ROBO1: variants seen among roughly 807,000 people sequenced by gnomAD.
ROBO1 encodes the protein roundabout guidance receptor 1.
A neutral mutation model predicts 195.9 loss-of-function variants in ROBO1; 149 were observed. The observed-to-expected ratio is 0.76, with a 90% CI of 0.67 to 0.87. The LOEUF (loss-of-function observed/expected upper bound fraction) is 0.87, where lower values mean the gene tolerates loss of function less well. ROBO1 is among the 40% of genes least tolerant of loss of function. The pLI is 0.00. For missense variants in ROBO1, 1,933 were observed against 2,068.3 expected, an observed-to-expected ratio of 0.93 and a Z score of 1.27; for synonymous variants, 816 against 733.2, an observed-to-expected ratio of 1.11 and a Z score of -1.82.
In ROBO1 at chr3:78,717,338, G is replaced by C. The variant is rs571873565; in HGVS notation, c.854C>G (p.Ala285Gly). The change falls in exon 7 of 31, where the codon GCC (alanine) becomes GGC (glycine). Residue 285 changes from alanine to glycine, a missense_variant. This residue lies in a region of ROBO1 where 1,737 missense variants were observed against 1,882.5 expected (regional missense o/e 0.92). Coordinates refer to ENST00000464233, the MANE Select transcript of ROBO1 (RefSeq NM_002941.4). ...TACTGTAGGTACAGGGTCACCTCGG[G>C]CCTCACATTTAAATTCTGCACTGTC... ...VDDSAEFKCE[A>G]RGDPVPTVRW... is the part of the protein sequence containing the mutation. 1 of 1,612,568 alleles carries C rather than the reference G, an allele frequency of 6.2e-7. No individual in the cohort carries two copies. Among genetic ancestry groups the C allele is most frequent in the South Asian group, 1.1e-5 (1 of 90,884 alleles).
intron 15 of ROBO1, among the ~76,000 whole-genome samples, chr3:78,661,509 A>T (rs149549596): frequency 0.019 from 2,901 of 152,256 alleles, 88 homozygotes; most frequent in African/African-American, 0.065. Flanking sequence ...ATACTGAAAA[A>T]ATTCCACTAT....
intron 2 of ROBO1, among the ~76,000 whole-genome samples, chr3:79,126,390 C>A (rs534126201): frequency 1.3e-5 from 2 of 152,256 alleles, no homozygotes; most frequent in South Asian, 4.1e-4. Flanking sequence ...AGCACAACAA[C>A]ACTCCAGTTT....
chr3:79,153,849 A>C (rs1300879339), intron 2 of ROBO1, among the ~76,000 whole-genome samples: 1 of 151,220 alleles, frequency 6.6e-6, no homozygotes, highest in Non-Finnish European at 1.5e-5. Context: ...CCTTAAAAAT[A>C]TTCCATGTGG....
chr3:79,037,766 C>T (rs1330480150), intron 3 of ROBO1, among the ~76,000 whole-genome samples: 1 of 152,070 alleles, frequency 6.6e-6, no homozygotes, highest in Non-Finnish European at 1.5e-5. Context: ...GTAAATTGGA[C>T]ATATATATTT....
intron 4 of ROBO1, among the ~76,000 whole-genome samples, chr3:78,874,040 C>G (rs749933976): frequency 4.0e-5 from 6 of 151,676 alleles, no homozygotes; most frequent in Non-Finnish European, 8.8e-5. Context: ...TGATATGTGA[C>G]TTCAATTACT....
At chr3:79,096,233 A>G (rs554466974) in intron 3 of ROBO1, among the ~76,000 whole-genome samples, 1 of 152,076 alleles carries the variant, frequency 6.6e-6, no homozygotes, top group African/African-American at 2.4e-5. Flanking sequence ...AGATGCCGTC[A>G]TTTCCCTTCA....
chr3:78,871,642 A>T (rs1359043037), intron 4 of ROBO1, among the ~76,000 whole-genome samples: 1 of 151,676 alleles, frequency 6.6e-6, no homozygotes, highest in Non-Finnish European at 1.5e-5. Context: ...CTGTTTTTAC[A>T]ATGTGTGAAA....
intron 4 of ROBO1, among the ~76,000 whole-genome samples, chr3:78,770,077 A>C (rs970161007): frequency 1.3e-5 from 2 of 152,110 alleles, no homozygotes; most frequent in Non-Finnish European, 2.9e-5. Context: ...TTTTGTGATT[A>C]ATTTCCCAGG....
chr3:78,713,292 AG>A, intron 8 of ROBO1, among the ~76,000 whole-genome samples: 1 of 152,268 alleles, frequency 6.6e-6, no homozygotes, highest in East Asian at 1.9e-4. Context: ...TAGTGTAAAA[AG>A]CCCACAAGGC....
chr3:79,575,872 T>C (rs1031865535), intron 2 of ROBO1, among the ~76,000 whole-genome samples: 12 of 151,884 alleles, frequency 7.9e-5, no homozygotes, highest in Non-Finnish European at 1.6e-4. Context: ...TGTCATATGT[T>C]TCCCTTGTTT....
At position 78,634,142 on chromosome 3, in the gene ROBO1, A is replaced by T. The variant is rs1182367474; in HGVS notation, c.3374-100T>A. 3 of 709,532 alleles carry T rather than the reference A, an allele frequency of 4.2e-6. No homozygotes were observed. The African/African-American group carries it at 5.4e-5, about 13-fold the overall frequency. 44.0% of individuals were successfully genotyped at this position (709,532 alleles called of 1,614,324 possible). A position where few individuals can be genotyped will look rare whatever the true frequency, so the allele number is the denominator to read the frequency against. On this transcript the variant is annotated intron_variant, in intron 23 of 30. Transcript: ENST00000464233. ...ATATTTCTGAGTAACTAAAGAAACAAATTGGACCATTTATTTGCCTTTTTT... is the reference window on the plus strand; with the variant it reads ...ATATTTCTGAGTAACTAAAGAAACATATTGGACCATTTATTTGCCTTTTTT...
intron 1 of ROBO1, among the ~76,000 whole-genome samples, chr3:79,593,818 T>C (rs181983402): frequency 1.4e-4 from 21 of 152,098 alleles, no homozygotes; most frequent in Non-Finnish European, 2.8e-4. Flanking sequence ...GATTTTACCA[T>C]GTGGCCCAGG....
chr3:79,422,054 A>C (rs2038244385), intron 2 of ROBO1, among the ~76,000 whole-genome samples: 1 of 148,934 alleles, frequency 6.7e-6, no homozygotes, highest in Non-Finnish European at 1.5e-5. Context: ...TAAAATGTAT[A>C]TTTTATATAT....
chr3:78,874,910 A>T (rs532550230), intron 4 of ROBO1, among the ~76,000 whole-genome samples: 1 of 152,074 alleles, frequency 6.6e-6, no homozygotes, highest in African/African-American at 2.4e-5. Context: ...CAAATAAATA[A>T]TCTTATATTC....
At chr3:79,220,936 T>C (rs2082127037) in intron 2 of ROBO1, among the ~76,000 whole-genome samples, 1 of 151,988 alleles carries the variant, frequency 6.6e-6, no homozygotes, top group Non-Finnish European at 1.5e-5. Flanking sequence ...ATTCCTAGCC[T>C]CTATCTACTA....
chr3:78,689,899 A>C (rs1006044995), intron 8 of ROBO1, among the ~76,000 whole-genome samples: 1 of 151,660 alleles, frequency 6.6e-6, no homozygotes, highest in Non-Finnish European at 1.5e-5. Flanking sequence ...ACAAGAGTAT[A>C]ATTTCTTTGT....
intron 2 of ROBO1, among the ~76,000 whole-genome samples, chr3:79,329,641 C>G (rs1452957486): frequency 2.6e-5 from 4 of 152,046 alleles, no homozygotes; most frequent in African/African-American, 9.7e-5. Context: ...GGTAGAGATG[C>G]TGTTATTATT....
intron 2 of ROBO1, among the ~76,000 whole-genome samples, chr3:79,154,839 A>G (rs950368690): frequency 6.6e-6 from 1 of 151,844 alleles, no homozygotes; most frequent in African/African-American, 2.4e-5. Flanking sequence ...TTGAGCACTT[A>G]TGTTAGGGCG....
At chr3:79,583,338 G>A (rs940876641) in intron 2 of ROBO1, among the ~76,000 whole-genome samples, 1 of 151,836 alleles carries the variant, frequency 6.6e-6, no homozygotes, top group African/African-American at 2.4e-5. Flanking sequence ...GATTAACTTC[G>A]AATACTTAAA....
Sources: allele counts gnomAD v4.1 joint callset (sites outside exome capture counted in the v4.1 genomes callset), GRCh38; gene constraint gnomAD v4.1.1; regional missense constraint gnomAD v4.1.1; transcripts MANE v1.5; gene names NCBI Gene and HGNC (gene_info 2026-07-23, HGNC 2026-07-21).